The following NEB variants were observed in gnomAD, a reference collection of about 807,000 sequenced individuals.
The protein encoded by NEB is nemaline myopathy type 2.
In NEB, 512 loss-of-function variants were observed where a neutral mutation model predicts 952.2. The ratio of observed to expected loss-of-function variants is 0.54; its 90% CI spans 0.50 to 0.58. NEB has a LOEUF of 0.58. NEB is among the 20% of genes least tolerant of loss of function. The pLI is 0.00. For synonymous variants in NEB, 2,900 were observed against 3,149.8 expected (o/e 0.92, Z 2.66); for missense variants, 8,428 against 9,231.1 (o/e 0.91, Z 3.56).
Position 151,631,159 on chromosome 2 carries a change from G to C in NEB, c.9602C>G (p.Ala3201Gly). ...AGGACTCACCTTATTCATGTTGAGAGCATTGTTCTTGGCCAGCACCTGCTC... is the reference window on the plus strand; with the variant it reads ...AGGACTCACCTTATTCATGTTGAGACCATTGTTCTTGGCCAGCACCTGCTC... ...SLEQVLAKNN[A>G]LNMNKRLYTE... Residue 3201 changes from alanine (A) to glycine (G), a missense_variant, in exon 66 of 182, where the codon GCT becomes GGT. Ala to Gly is a moderately conservative substitution (Grantham distance 60). Coordinates refer to ENST00000397345, the MANE Select transcript of NEB (RefSeq NM_001164508.2). 1.9e-6 allele frequency: 3 copies of C among 1,613,938 alleles called. No homozygotes were observed. Among genetic ancestry groups the C allele is most frequent in the Non-Finnish European group, 2.5e-6 (3 of 1,179,850 alleles).
chr2:151,546,637 C>T (rs140467309), intron 133 of NEB, among the ~76,000 whole-genome samples, 194 bp from the exon 134 acceptor site: 203 of 149,946 alleles, frequency 1.4e-3, no homozygotes, highest in African/African-American at 4.4e-3. Context: ...TGGCTGACTG[C>T]AACCTCCGCC....
chr2:151,624,188 G>A (rs1055203720), intron 71 of NEB, among the ~76,000 whole-genome samples: 2 of 152,076 alleles, frequency 1.3e-5, no homozygotes, highest in Admixed American at 6.5e-5. Context: ...ATTCATGGGG[G>A]ATGAGTGCAA....
At chr2:151,685,721 T>C (rs1365784273) in intron 27 of NEB, among the ~76,000 whole-genome samples, 2 of 152,216 alleles carry the variant, frequency 1.3e-5, no homozygotes, top group East Asian at 1.9e-4. Flanking sequence ...AAGGTGCTAG[T>C]TGGGTCAAAT....
chr2:151,532,621 A>G (rs578101732), intron 143 of NEB, among the ~76,000 whole-genome samples: 84 of 152,138 alleles, frequency 5.5e-4, no homozygotes, highest in African/African-American at 2.0e-3. Context: ...GGCAAACAGG[A>G]TATTTATAGG....
chr2:151,526,082 T>TAG lies in NEB; in HGVS notation c.22051-16_22051-15dup. The TAG allele has an allele frequency of 6.2e-7, 1 of 1,612,870 alleles. No individual in the cohort carries two copies. Among genetic ancestry groups the TAG allele is most frequent in the Non-Finnish European group, 8.5e-7 (1 of 1,178,866 alleles). On this transcript the variant is annotated splice_polypyrimidine_tract_variant and intron_variant, in intron 149 of 181. Transcript: ENST00000397345. ...CTTGTACTTGTTCTGGGGGAATCCATAGAGAGCTCATTAAGGCATCTGCCT... is the reference window on the plus strand; with the variant it reads ...CTTGTACTTGTTCTGGGGGAATCCATAGAGAGAGCTCATTAAGGCATCTGCCT...
Position 151,625,573 on chromosome 2 carries a change from T to A in NEB, c.10413A>T (p.Glu3471Asp), listed in dbSNP as rs1165676766. The A allele has an allele frequency of 6.2e-7, 1 of 1,606,498 alleles. No individual in the cohort carries two copies. Among genetic ancestry groups the A allele is most frequent in the African/African-American group, 1.3e-5 (1 of 74,960 alleles). ...TQVHIMPDTP[E>D]IMLARQNKIN... ...TTTTATTTTGTCTTGCCAACATGAT[T>A]TCAGGTGTATCAGGCATAATATGGA... is the stretch of plus-strand genomic sequence containing the variant. The change falls in exon 71 of 182, where the codon GAA becomes GAT. Residue 3471 changes from glutamate to aspartate, a missense_variant. Coordinates refer to ENST00000397345, the MANE Select transcript of NEB (RefSeq NM_001164508.2).
intron 9 of NEB, among the ~76,000 whole-genome samples, chr2:151,719,529 C>T (rs2099768454): frequency 6.6e-6 from 1 of 152,168 alleles, no homozygotes; most frequent in African/African-American, 2.4e-5. Flanking sequence ...AATTGGGATA[C>T]AAAAGACAGA....
chr2:151,551,443 T>C (rs906470811), intron 129 of NEB, among the ~76,000 whole-genome samples: 7 of 152,236 alleles, frequency 4.6e-5, no homozygotes, highest in African/African-American at 1.4e-4. Context: ...AAAGGCCTTG[T>C]CTCTGTTATC....
intron 12 of NEB, 79 bp downstream of exon 12, chr2:151,709,577 A>G (rs940358367): frequency 1.6e-5 from 18 of 1,106,230 alleles, no homozygotes; most frequent in Non-Finnish European, 2.3e-5. Context: ...CTTTTTTACT[A>G]ATTATATACA....
chr2:151,631,319 G>A lies in NEB; in HGVS notation c.9442C>T (p.Leu3148=). 6.2e-7 allele frequency: 1 copy of A among 1,613,682 alleles called. No homozygotes were observed. Among genetic ancestry groups the A allele is most frequent in the Non-Finnish European group, 8.5e-7 (1 of 1,179,768 alleles). The change falls in exon 66 of 182, where the codon CTG becomes TTG. Residue 3148 remains leucine, a synonymous_variant. Transcript: ENST00000397345. ...DNIYKSDLQW[L]RGIGWVPIGS... is the part of the protein sequence containing the mutation. The stretch of plus-strand genomic sequence containing the variant: ...ATGGGGACCCAGCCAATGCCTCTCA[G>A]CCACTGGAGATCTGACTTGTAAATA...
intron 58 of NEB, 67 bp from the exon 59 acceptor site, chr2:151,642,936 T>C: frequency 7.5e-7 from 1 of 1,337,438 alleles, no homozygotes; most frequent in Non-Finnish European, 1.0e-6. Flanking sequence ...GACAGTCTGA[T>C]TTTTAATGAG....
chr2:151,630,856 TG>T (rs1560683618), intron 66 of NEB, 37 bp from the exon 67 acceptor site: 1 of 1,503,710 alleles, frequency 6.7e-7, no homozygotes, highest in Admixed American at 2.2e-5. Context: ...AAAAATCATT[TG>T]AAATAGAAAT....
At chr2:151,629,794 T>C (rs2098623536) in intron 67 of NEB, 148 bp from the exon 68 acceptor site, 1 of 622,856 alleles carries the variant, frequency 1.6e-6, no homozygotes, top group Non-Finnish European at 2.8e-6. Context: ...AAATAAATTA[T>C]ATTCTACCAA....
At chr2:151,508,592 C>T (rs77239448) in intron 161 of NEB, among the ~76,000 whole-genome samples, 2,252 of 152,324 alleles carry the variant, frequency 0.015, 78 homozygotes, top group East Asian at 0.14. Flanking sequence ...TGAGCAGGTG[C>T]GGTCAGGGCT....
At position 151,614,447 on chromosome 2, in the gene NEB, C is replaced by G; in HGVS notation, c.11430G>C (p.Lys3810Asn). ...CTGGGCTGCTGAACTTGGTCTTCCA[C>G]TTCTCAAACTCCTTCTTGTACTCCC... ...SDREYKKEFE[K>N]WKTKFSSPVD... The change falls in exon 77 of 182, where the codon AAG (lysine) becomes AAC (asparagine). Residue 3810 changes from lysine (K) to asparagine (N), a missense_variant. Transcript: ENST00000397345. The G allele has an allele frequency of 6.2e-7, 1 of 1,613,938 alleles. No individual in the cohort carries two copies. The highest frequency in any genetic ancestry group is 1.7e-5 in the Admixed American group (1 of 60,018).
chr2:151,663,413 A>C, intron 45 of NEB, 135 bp downstream of exon 45: 1 of 863,014 alleles, frequency 1.2e-6, no homozygotes, highest in Non-Finnish European at 1.8e-6. Context: ...ATTCAATCTA[A>C]GGTAACAAAT....
chr2:151,536,343 T>C (rs2093204339), intron 141 of NEB, among the ~76,000 whole-genome samples: 2 of 152,246 alleles, frequency 1.3e-5, no homozygotes, highest in Non-Finnish European at 2.9e-5. Context: ...AATAGATTTA[T>C]TTTCCATATT....
chr2:151,524,029 TAGGA>T, intron 153 of NEB, among the ~76,000 whole-genome samples: 1 of 152,260 alleles, frequency 6.6e-6, no homozygotes, highest in East Asian at 1.9e-4. Context: ...GAGGTTCCAG[TAGGA>T]TCTCATGAAC....
chr2:151,672,515 C>G lies in NEB; in HGVS notation c.4153G>C (p.Gly1385Arg), dbSNP rs1400960903. The G allele has an allele frequency of 2.5e-6, 4 of 1,613,968 alleles. No homozygotes were observed. The highest frequency in any genetic ancestry group is 2.5e-6 in the Non-Finnish European group (3 of 1,179,890). The part of the protein sequence containing the change: ...ENTKTSYHTP[G>R]DMVSITAAKM... The stretch of plus-strand genomic sequence containing the variant: ...GCAGCTGTGATGCTAACCATGTCCC[C>G]AGGGGTATGGTAGCTGGTTTTGGTG... The change falls in exon 37 of 182, where the codon GGG (glycine) becomes CGG (arginine). Residue 1385 changes from glycine to arginine, a missense_variant. By Grantham distance (125) the Gly-to-Arg change is moderately radical (BLOSUM62 -2). Transcript: ENST00000397345.
Sources: allele counts gnomAD v4.1 joint callset (sites outside exome capture counted in the v4.1 genomes callset), GRCh38; gene constraint gnomAD v4.1.1; transcripts MANE v1.5; gene names NCBI Gene and HGNC (gene_info 2026-07-23, HGNC 2026-07-21).